Variants in ARPP21 observed in about 807,000 individuals in gnomAD.
ARPP21 encodes cAMP-regulated phosphoprotein 21.
In ARPP21, 69 loss-of-function variants were observed where a neutral mutation model predicts 113.2. The observed-to-expected ratio is 0.61, with a 90% confidence interval of 0.50 to 0.74. The LOEUF is 0.74. Among genes scored for constraint, ARPP21 ranks in the 30% least tolerant of loss-of-function variants. The probability of loss-of-function intolerance (pLI) is 0.00; values close to 1 mark genes in which losing one functional copy is unlikely to be tolerated. For missense variants in ARPP21, 1,070 were observed against 1,037.4 expected, an observed-to-expected ratio of 1.03 and a Z score of -0.43; for synonymous variants, 368 against 375.5, an observed-to-expected ratio of 0.98 and a Z score of 0.23.
intron 11 of ARPP21, among the ~76,000 whole-genome samples, chr3:35,710,099 C>T (rs2090553562): frequency 1.3e-5 from 2 of 152,096 alleles, no homozygotes; most frequent in African/African-American, 2.4e-5. Context: ...ACTTCTTTCA[C>T]GTTTATATCC....
At chr3:35,771,330 ATTGT>A (rs1164193940) in intron 19 of ARPP21, among the ~76,000 whole-genome samples, 5 of 150,852 alleles carry the variant, frequency 3.3e-5, no homozygotes, top group African/African-American at 1.2e-4. Context: ...GAAGGTAATG[ATTGT>A]TTTTTTTTTT....
intron 19 of ARPP21, among the ~76,000 whole-genome samples, chr3:35,772,278 TTG>T (rs2096230992): frequency 1.3e-5 from 2 of 152,078 alleles, no homozygotes; most frequent in African/African-American, 4.8e-5. Context: ...CTGAAAAAAA[TTG>T]TGTCATAATA....
At chr3:35,692,454 A>G (rs2082511926) in intron 9 of ARPP21, among the ~76,000 whole-genome samples, 1 of 151,690 alleles carries the variant, frequency 6.6e-6, no homozygotes, top group South Asian at 2.1e-4. Flanking sequence ...TGATTGCAAA[A>G]TAGAAAAGCA....
At chr3:35,792,326 A>G in intron 19 of ARPP21, 56 bp from the exon 20 acceptor site, 2 of 1,561,368 alleles carry the variant, frequency 1.3e-6, no homozygotes, top group Non-Finnish European at 1.8e-6. Context: ...TTACCCCATG[A>G]AACATCACTG....
intron 1 of ARPP21, among the ~76,000 whole-genome samples, chr3:35,644,069 C>T (rs1344933994): frequency 2.6e-5 from 4 of 151,706 alleles, no homozygotes; most frequent in Non-Finnish European, 5.9e-5. Flanking sequence ...TTTATTCTAG[C>T]ATTTTATGTT....
intron 19 of ARPP21, among the ~76,000 whole-genome samples, chr3:35,771,076 C>T (rs997393700): frequency 2.6e-5 from 4 of 152,182 alleles, no homozygotes; most frequent in Non-Finnish European, 5.9e-5. Context: ...CTACAGAGCT[C>T]ATCTGCGAGT....
At chr3:35,756,079 C>T (rs1000362482) in intron 19 of ARPP21, among the ~76,000 whole-genome samples, 2 of 152,042 alleles carry the variant, frequency 1.3e-5, no homozygotes, top group Non-Finnish European at 2.9e-5. Context: ...TCATTTTACT[C>T]ATTACCTCCT....
At chr3:35,779,609 G>A (rs1405214237) in intron 19 of ARPP21, among the ~76,000 whole-genome samples, 1 of 152,034 alleles carries the variant, frequency 6.6e-6, no homozygotes, top group Non-Finnish European at 1.5e-5. Context: ...TGGGGGGCAG[G>A]TGGTGGTTAG....
intron 1 of ARPP21, among the ~76,000 whole-genome samples, chr3:35,665,290 T>G (rs533936338): frequency 6.6e-6 from 1 of 152,096 alleles, no homozygotes; most frequent in Non-Finnish European, 1.5e-5. Context: ...GCCTAAGCTT[T>G]TTTTTTTAAT....
At chr3:35,723,081 A>G (rs932115673) in intron 14 of ARPP21, among the ~76,000 whole-genome samples, 1 of 152,080 alleles carries the variant, frequency 6.6e-6, no homozygotes, top group East Asian at 1.9e-4. Flanking sequence ...GTCAGATTGT[A>G]TGGGTGGAGC....
intron 19 of ARPP21, among the ~76,000 whole-genome samples, chr3:35,768,338 C>T (rs2096065356): frequency 6.6e-6 from 1 of 151,918 alleles, no homozygotes; most frequent in Non-Finnish European, 1.5e-5. Context: ...CTGGCAAATT[C>T]TACTCCAAAC....
At chr3:35,762,722 G>A (rs2095828012) in intron 19 of ARPP21, among the ~76,000 whole-genome samples, 1 of 152,036 alleles carries the variant, frequency 6.6e-6, no homozygotes. Context: ...TCAAAAAGGA[G>A]GGTTCTAAGA....
chr3:35,673,758 G>A (rs2076890685), intron 1 of ARPP21, among the ~76,000 whole-genome samples: 1 of 151,750 alleles, frequency 6.6e-6, no homozygotes, highest in Non-Finnish European at 1.5e-5. Context: ...CAAACACTTA[G>A]CTCCCATTTT....
At chr3:35,660,821 T>C (rs1435329637) in intron 1 of ARPP21, among the ~76,000 whole-genome samples, 3 of 152,164 alleles carry the variant, frequency 2.0e-5, no homozygotes. Context: ...TGGGTTTTTT[T>C]CCCTAAATAA....
At position 35,662,765 on chromosome 3, in the gene ARPP21, C is replaced by A. The variant is rs113600621; in HGVS notation, c.-212-17022C>A. On this transcript the variant is annotated intron_variant, in intron 1 of 20. Transcript: ENST00000684406. Reference sequence around the variant, plus strand: ...GACAGTTCAACAAGAGGCAACAAGACCTTGAAGGGAGAATTGTGCCCACCA... The same window carrying A: ...GACAGTTCAACAAGAGGCAACAAGAACTTGAAGGGAGAATTGTGCCCACCA... Among the ~76,000 whole-genome samples, 587 of 152,206 alleles carry A rather than the reference C, an allele frequency of 3.9e-3. 5 individuals carry two copies. Among genetic ancestry groups the A allele is most frequent in the African/African-American group, 0.013 (555 of 41,510 alleles).
rs1468740553 is a variant in ARPP21 at position 35,759,672 on chromosome 3, C to CTGTGTGTG, written c.2137+15708_2137+15709insGTGTGTGT. On this transcript the variant is annotated intron_variant, in intron 19 of 20. Transcript: ENST00000684406. ...TTTCATTTTTTTCCTTTCATTTTCT[C>CTGTGTGTG]TCTCTGTGTGTGTGTGTGTGTGTGT... Among the ~76,000 whole-genome samples the CTGTGTGTG allele has an allele frequency of 6.1e-3, 725 of 119,726 alleles. 4 individuals carry two copies. Among genetic ancestry groups the CTGTGTGTG allele is most frequent in the African/African-American group, 0.017 (567 of 33,062 alleles). The allele number at this position is 119,726 out of a possible 152,430, so 78.5% of individuals were successfully genotyped here.
At chr3:35,785,972 A>G (rs2096624498) in intron 19 of ARPP21, among the ~76,000 whole-genome samples, 1 of 152,208 alleles carries the variant, frequency 6.6e-6, no homozygotes, top group African/African-American at 2.4e-5. Flanking sequence ...AGCAACTGCC[A>G]ATAAATAAGT....
At chr3:35,744,644 A>G in intron 19 of ARPP21, 1 of 360,748 alleles carries the variant, frequency 2.8e-6, no homozygotes, top group Middle Eastern at 3.9e-4. Context: ...GGTTTGTGTC[A>G]TTCCTGCTGA....
chr3:35,762,156 G>A (rs1268251209), intron 19 of ARPP21, among the ~76,000 whole-genome samples: 2 of 126,104 alleles, frequency 1.6e-5, no homozygotes, highest in African/African-American at 3.5e-5. Context: ...ACACACACAC[G>A]CTTTTGGAAT....
Sources: gnomAD v4.1 joint callset for allele counts (sites outside exome capture counted in the v4.1 genomes callset) on GRCh38, gnomAD v4.1.1 for gene constraint, MANE v1.5 for transcripts, NCBI Gene and HGNC (gene_info 2026-07-23, HGNC 2026-07-21) for gene names.